The following MAP3K19 variants were observed in gnomAD, a reference collection of about 807,000 sequenced individuals.
The protein encoded by MAP3K19 is SPS1/STE20-related protein kinase YSK4.
In MAP3K19, 91 loss-of-function variants were observed where a neutral mutation model predicts 114.4. The observed-to-expected ratio is 0.80, with a 90% CI of 0.67 to 0.95. The LOEUF (loss-of-function observed/expected upper bound fraction) is 0.95, where lower values mean the gene tolerates loss of function less well. Ranked by LOEUF, MAP3K19 falls within the 40% of genes least tolerant of loss-of-function variation. The probability of loss-of-function intolerance (pLI) is 0.00; values close to 1 mark genes in which losing one functional copy is unlikely to be tolerated. For missense variants in MAP3K19, 1,471 were observed against 1,573.2 expected (o/e 0.94, Z 1.10); for synonymous variants, 518 against 530.5 (o/e 0.98, Z 0.32).
chr2:134,983,690 C>T lies in MAP3K19; in HGVS notation c.3208G>A (p.Gly1070Arg). Residue 1070 changes from glycine to arginine, a missense_variant, in exon 11 of 13, where the codon GGA becomes AGA. Transcript: ENST00000392915. ...GTTTAACTTACTGTGCCGTAGGCTC[C>T]CTTTCCAAGAATCTCACCCTTGGTC... ...LWTKGEILGK[G>R]AYGTVYCGLT... is the part of the protein sequence containing the mutation. The T allele has an allele frequency of 6.4e-7, 1 of 1,570,594 alleles. No individual in the cohort carries two copies. The highest frequency in any genetic ancestry group is 8.6e-7 in the Non-Finnish European group (1 of 1,164,062).
intron 8 of MAP3K19, among the ~76,000 whole-genome samples, chr2:134,997,918 T>C (rs1345892143): frequency 1.3e-5 from 2 of 152,072 alleles, no homozygotes; most frequent in African/African-American, 4.8e-5. Context: ...TCTTTTTTGG[T>C]AGGATGTGTC....
At chr2:135,012,756 AAT>A (rs1687319423) in intron 5 of MAP3K19, among the ~76,000 whole-genome samples, 1 of 152,194 alleles carries the variant, frequency 6.6e-6, no homozygotes, top group African/African-American at 2.4e-5. Flanking sequence ...GGCAGTTAAT[AAT>A]TTAATGTTCT....
At chr2:134,991,648 T>C (rs1385549178) in intron 8 of MAP3K19, 68 bp from the exon 9 acceptor site, 4 of 1,327,102 alleles carry the variant, frequency 3.0e-6, no homozygotes, top group Non-Finnish European at 4.3e-6. Flanking sequence ...AGCCAGAGTC[T>C]GGGGATGGAG....
chr2:134,964,514 C>T lies in MAP3K19; in HGVS notation c.*336G>A, dbSNP rs1683212256. 1 of 166,982 alleles carries T rather than the reference C, an allele frequency of 6.0e-6. No individual in the cohort carries two copies. The highest frequency in any genetic ancestry group is 1.3e-5 in the Non-Finnish European group (1 of 77,930). The allele number at this position is 166,982 out of a possible 1,614,324, so 10.3% of individuals were successfully genotyped here. ...AGTTGTTTTTACAATTTATTTTAAA[C>T]TAACAACATTAAAATTGACAGGACA... On this transcript the variant is annotated 3_prime_UTR_variant, in exon 13 of 13. Coordinates refer to ENST00000392915, the MANE Select transcript of MAP3K19 (RefSeq NM_025052.5).
intron 2 of MAP3K19, among the ~76,000 whole-genome samples, chr2:135,032,214 A>G (rs60350840): frequency 0.27 from 40,272 of 151,826 alleles, 7,207 homozygotes; most frequent in African/African-American, 0.49. Context: ...AAAATTAGCC[A>G]GGCACAGTGG....
In MAP3K19 at chr2:134,983,829, GA is replaced by G; in HGVS notation, c.3073-5del. ...TCCTGAGCCCACTACTATGCCTCTG[GA>G]AGAATGAGACAAAAGGAAAGATGAC... On this transcript the variant is annotated splice_polypyrimidine_tract_variant and splice_region_variant and intron_variant, in intron 10 of 12. Transcript: ENST00000392915. 6.4e-7 allele frequency: 1 copy of G among 1,553,740 alleles called. No individual in the cohort carries two copies.
chr2:135,041,525 A>G (rs1688645689), intron 1 of MAP3K19, among the ~76,000 whole-genome samples: 4 of 151,886 alleles, frequency 2.6e-5, no homozygotes, highest in African/African-American at 9.7e-5. Context: ...TTTTTGGTAG[A>G]GACGAGTTGG....
Position 135,041,338 on chromosome 2 carries a change from CT to C in MAP3K19, c.-423-837del, listed in dbSNP as rs761486547. ...CGAACTACCCTCTCCTGCATGGAAC[CT>C]TTTTTTTTTTTTTAATTTTGAGATA... On this transcript the variant is annotated intron_variant, in intron 1 of 12. Coordinates refer to ENST00000392915, the MANE Select transcript of MAP3K19 (RefSeq NM_025052.5). Among the ~76,000 whole-genome samples, 655 of 142,380 alleles carry C rather than the reference CT, an allele frequency of 4.6e-3. 4 individuals carry two copies. Among genetic ancestry groups the C allele is most frequent in the Admixed American group, 5.3e-3 (75 of 14,098 alleles). 93.4% of individuals were successfully genotyped at this position (142,380 alleles called of 152,430 possible).
intron 8 of MAP3K19, among the ~76,000 whole-genome samples, chr2:134,993,538 T>C (rs973065584): frequency 6.6e-6 from 1 of 152,220 alleles, no homozygotes; most frequent in Non-Finnish European, 1.5e-5. Flanking sequence ...TCCCAGAGGT[T>C]GCATTCTAGA....
intron 12 of MAP3K19, among the ~76,000 whole-genome samples, chr2:134,967,176 G>A (rs1418338320): frequency 2.6e-5 from 4 of 152,098 alleles, no homozygotes; most frequent in Non-Finnish European, 4.4e-5. Flanking sequence ...AAAAGTCATC[G>A]CCACTCCCCA....
intron 12 of MAP3K19, among the ~76,000 whole-genome samples, chr2:134,974,380 G>T (rs1318878387): frequency 6.6e-6 from 1 of 152,118 alleles, no homozygotes; most frequent in Admixed American, 6.5e-5. Flanking sequence ...TCTGATGGGG[G>T]TTCTTTTATA....
chr2:135,032,854 GCA>G (rs1294842511), intron 2 of MAP3K19, among the ~76,000 whole-genome samples: 1 of 149,446 alleles, frequency 6.7e-6, no homozygotes, highest in African/African-American at 2.5e-5. Flanking sequence ...GTTTAACAAA[GCA>G]CATCTTGCAC....
chr2:135,000,072 C>T lies in MAP3K19; in HGVS notation c.236-57G>A, dbSNP rs1686329705. The T allele has an allele frequency of 2.6e-5, 30 of 1,142,512 alleles. 1 individual carries two copies. Among genetic ancestry groups the T allele is most frequent in the African/African-American group, 4.6e-5 (3 of 65,432 alleles). The allele number at this position is 1,142,512 out of a possible 1,614,324, so 70.8% of individuals were successfully genotyped here. A position where few individuals can be genotyped will look rare whatever the true frequency, so the allele number is the denominator to read the frequency against. ...GAAAGTAATGAATTCCAGCGGAAAG[C>T]GGGAGACGTACTTTATTTCTGTTTG... On this transcript the variant is annotated intron_variant, in intron 6 of 12. Coordinates refer to ENST00000392915, the MANE Select transcript of MAP3K19 (RefSeq NM_025052.5).
At chr2:135,026,815 T>C (rs1688267743) in intron 3 of MAP3K19, among the ~76,000 whole-genome samples, 2 of 152,204 alleles carry the variant, frequency 1.3e-5, no homozygotes, top group African/African-American at 4.8e-5. Context: ...CAAGAATTAT[T>C]TGACATTCCC....
rs114577606 is a variant in MAP3K19 at position 135,023,389 on chromosome 2, T to G, written c.22+1237A>C. 1,032 of 524,048 alleles carry G rather than the reference T, an allele frequency of 2.0e-3. 6 individuals are homozygous for G. The highest frequency in any genetic ancestry group is 0.019 in the African/African-American group (969 of 51,932). 32.5% of individuals were successfully genotyped at this position (524,048 alleles called of 1,614,324 possible). Reference sequence around the variant, plus strand: ...TCTGCAATTTTCTCACTCTCATCAGTCCCTCAATGACCTCACCCACCATCA... The same window carrying G: ...TCTGCAATTTTCTCACTCTCATCAGGCCCTCAATGACCTCACCCACCATCA... On this transcript the variant is annotated intron_variant, in intron 4 of 12. Coordinates refer to ENST00000392915, the MANE Select transcript of MAP3K19 (RefSeq NM_025052.5).
At chr2:135,013,854 A>T (rs1687404166) in intron 5 of MAP3K19, among the ~76,000 whole-genome samples, 1 of 151,882 alleles carries the variant, frequency 6.6e-6, no homozygotes. Context: ...TATACCAATG[A>T]TTCCCTCCTC....
rs1205894510 is a variant in MAP3K19, at chr2:134,998,763, C to T, written c.549G>A (p.Leu183=). Residue 183 remains leucine (L), a synonymous_variant, in exon 8 of 13, where the codon CTG becomes CTA. Transcript: ENST00000392915. Reference sequence around the variant, plus strand: ...CTTCAGATTTTCTTTGCTGCTCCTTCAGAAAATGAGGAGCATCTTCTCTGG... The same window carrying T: ...CTTCAGATTTTCTTTGCTGCTCCTTTAGAAAATGAGGAGCATCTTCTCTGG... The part of the protein sequence containing the change: ...SVTREDAPHF[L]KEQQRKSEEF... The T allele has an allele frequency of 6.3e-7, 1 of 1,599,636 alleles. No homozygotes were observed. Among genetic ancestry groups the T allele is most frequent in the African/African-American group, 1.3e-5 (1 of 74,156 alleles).
intron 4 of MAP3K19, among the ~76,000 whole-genome samples, 168 bp downstream of exon 4, chr2:135,024,458 G>A (rs915599325): frequency 6.6e-6 from 1 of 152,150 alleles, no homozygotes; most frequent in African/African-American, 2.4e-5. Context: ...AGACTTCTTT[G>A]CATCCCCCAG....
At chr2:134,993,264 C>G (rs1338758149) in intron 8 of MAP3K19, among the ~76,000 whole-genome samples, 1 of 152,048 alleles carries the variant, frequency 6.6e-6, no homozygotes, top group Non-Finnish European at 1.5e-5. Context: ...AAGTTTCACA[C>G]GGAGAGAAAA....
Sources: allele counts gnomAD v4.1 joint callset (sites outside exome capture counted in the v4.1 genomes callset), GRCh38; gene constraint gnomAD v4.1.1; transcripts MANE v1.5; gene names NCBI Gene and HGNC (gene_info 2026-07-23, HGNC 2026-07-21).